The following MYO1D variants were observed in gnomAD, a reference collection of about 807,000 sequenced individuals.
MYO1D encodes the protein unconventional myosin-Id.
Under a neutral mutation model 122.0 loss-of-function variants are expected in MYO1D, and 83 were observed. The ratio of observed to expected loss-of-function variants is 0.68; its 90% CI spans 0.57 to 0.82. The LOEUF is 0.82. Among genes scored for constraint, MYO1D ranks in the 40% least tolerant of loss-of-function variants. The pLI is 0.00. For missense variants in MYO1D, 1,157 were observed against 1,269.5 expected (o/e 0.91, Z 1.35); for synonymous variants, 464 against 446.9 (o/e 1.04, Z -0.48).
At chr17:32,604,104 C>T (rs1282873814) in intron 21 of MYO1D, among the ~76,000 whole-genome samples, 1 of 151,418 alleles carries the variant, frequency 6.6e-6, no homozygotes, top group East Asian at 1.9e-4. Context: ...CATTTATCAG[C>T]CAAAATGAAT....
intron 21 of MYO1D, among the ~76,000 whole-genome samples, chr17:32,563,268 G>A (rs893744488): frequency 7.3e-6 from 1 of 137,586 alleles, no homozygotes; most frequent in Non-Finnish European, 1.5e-5. Flanking sequence ...GGAGCGTAGT[G>A]GCACAATCCT....
chr17:32,867,640 T>C (rs2091138884), intron 1 of MYO1D, among the ~76,000 whole-genome samples: 1 of 150,850 alleles, frequency 6.6e-6, no homozygotes, highest in Non-Finnish European at 1.5e-5. Flanking sequence ...CTACTAAAAA[T>C]GCAAAAATCA....
chr17:32,667,234 G>A (rs1465000663), intron 16 of MYO1D, among the ~76,000 whole-genome samples: 4 of 152,156 alleles, frequency 2.6e-5, no homozygotes, highest in South Asian at 2.1e-4. Flanking sequence ...CTGATGAAGG[G>A]TGTGGCTCTA....
At chr17:32,598,530 G>A (rs903327951) in intron 21 of MYO1D, among the ~76,000 whole-genome samples, 1 of 152,172 alleles carries the variant, frequency 6.6e-6, no homozygotes, top group African/African-American at 2.4e-5. Flanking sequence ...GTTCTGACTG[G>A]TCTGTGCTTG....
intron 16 of MYO1D, among the ~76,000 whole-genome samples, chr17:32,682,563 A>G (rs2088936388): frequency 6.7e-6 from 1 of 150,222 alleles, no homozygotes; most frequent in Non-Finnish European, 1.5e-5. Flanking sequence ...TTTTTTTAAG[A>G]ATGTTGAATA....
intron 20 of MYO1D, among the ~76,000 whole-genome samples, chr17:32,629,477 G>A (rs1321001001): frequency 6.6e-6 from 1 of 152,216 alleles, no homozygotes; most frequent in African/African-American, 2.4e-5. Flanking sequence ...ACTCACGCCT[G>A]TAATCCCAGC....
chr17:32,793,704 C>T (rs151307283), intron 1 of MYO1D, among the ~76,000 whole-genome samples: 1 of 152,308 alleles, frequency 6.6e-6, no homozygotes, highest in Non-Finnish European at 1.5e-5. Flanking sequence ...TATGGGTATT[C>T]CCAGGCCCAT....
intron 1 of MYO1D, among the ~76,000 whole-genome samples, chr17:32,839,077 T>C (rs1335681273): frequency 2.6e-5 from 4 of 152,158 alleles, no homozygotes; most frequent in African/African-American, 9.7e-5. Context: ...CATAAGTTGT[T>C]AGCAAAACAA....
intron 1 of MYO1D, among the ~76,000 whole-genome samples, chr17:32,803,365 C>T (rs890099062): frequency 6.6e-6 from 1 of 152,134 alleles, no homozygotes; most frequent in Non-Finnish European, 1.5e-5. Flanking sequence ...CCAGGATGGT[C>T]TCGATCTCCT....
chr17:32,752,032 A>G (rs1290881735), intron 11 of MYO1D, among the ~76,000 whole-genome samples: 1 of 152,190 alleles, frequency 6.6e-6, no homozygotes, highest in East Asian at 1.9e-4. Context: ...AAATTATACT[A>G]CAAGGCTATT....
intron 16 of MYO1D, among the ~76,000 whole-genome samples, chr17:32,704,289 C>A (rs1283643235): frequency 1.3e-5 from 2 of 152,130 alleles, no homozygotes; most frequent in African/African-American, 2.4e-5. Context: ...TCACTGGCTA[C>A]ATTGATTCAT....
intron 21 of MYO1D, among the ~76,000 whole-genome samples, chr17:32,528,272 T>C (rs572007008): frequency 6.6e-6 from 1 of 152,326 alleles, no homozygotes; most frequent in African/African-American, 2.4e-5. Context: ...ATGTCTAGCC[T>C]CCTCTGCCCT....
chr17:32,656,468 C>A (rs138209584), intron 17 of MYO1D, among the ~76,000 whole-genome samples: 1 of 152,068 alleles, frequency 6.6e-6, no homozygotes, highest in Non-Finnish European at 1.5e-5. Context: ...AATCCTGAAG[C>A]CTGAAGTGGC....
At chr17:32,518,048 T>G (rs988730137) in intron 21 of MYO1D, among the ~76,000 whole-genome samples, 1 of 151,152 alleles carries the variant, frequency 6.6e-6, no homozygotes, top group Non-Finnish European at 1.5e-5. Context: ...GGCCCGCCAC[T>G]CTGCCATCAC....
At chr17:32,576,423 C>T (rs562723227) in intron 21 of MYO1D, among the ~76,000 whole-genome samples, 15 of 152,188 alleles carry the variant, frequency 9.9e-5, no homozygotes, top group East Asian at 9.7e-4. Context: ...TATAAAAGGA[C>T]GGTGACAAGG....
At chr17:32,808,842 T>C (rs924589149) in intron 1 of MYO1D, among the ~76,000 whole-genome samples, 38 of 152,340 alleles carry the variant, frequency 2.5e-4, no homozygotes, top group African/African-American at 8.4e-4. Context: ...CCTCCAGAAC[T>C]GTCAGAAATA....
At chr17:32,739,247 T>C (rs990242927) in intron 13 of MYO1D, among the ~76,000 whole-genome samples, 1 of 152,086 alleles carries the variant, frequency 6.6e-6, no homozygotes, top group Non-Finnish European at 1.5e-5. Context: ...GCAACCCAAA[T>C]GTCCATCAAT....
At chr17:32,771,053 T>A (rs1471432806) in intron 6 of MYO1D, 72 bp downstream of exon 6, 10 of 1,177,454 alleles carry the variant, frequency 8.5e-6, no homozygotes, top group Non-Finnish European at 1.1e-5. Context: ...CTTGACCAGA[T>A]AATTATTGAA....
chr17:32,757,712 T>C (rs980045972), intron 10 of MYO1D, among the ~76,000 whole-genome samples: 1 of 152,176 alleles, frequency 6.6e-6, no homozygotes, highest in Non-Finnish European at 1.5e-5. Flanking sequence ...AATTATATTA[T>C]TAAAAGCTAT....
Sources: gnomAD v4.1 joint callset for allele counts (sites outside exome capture counted in the v4.1 genomes callset) on GRCh38, gnomAD v4.1.1 for gene constraint, MANE v1.5 for transcripts, NCBI Gene and HGNC (gene_info 2026-07-23, HGNC 2026-07-21) for gene names.